Variants in MGAT5 observed in about 807,000 individuals in gnomAD.
MGAT5 encodes alpha-1,6-mannosylglycoprotein 6-beta-N-acetylglucosaminyltransferase, also known as alpha-1,6-mannosylglycoprotein 6-beta-N-acetylglucosaminyltransferase A.
A neutral mutation model predicts 94.3 loss-of-function variants in MGAT5; 30 were observed. The ratio of observed to expected loss-of-function variants is 0.32; its 90% confidence interval spans 0.24 to 0.43. The LOEUF (loss-of-function observed/expected upper bound fraction) is 0.43, where lower values mean the gene tolerates loss of function less well. Among genes scored for constraint, MGAT5 ranks in the 20% least tolerant of loss-of-function variants. The probability of loss-of-function intolerance (pLI) is 1.00; values close to 1 mark genes in which losing one functional copy is unlikely to be tolerated. For missense variants in MGAT5, 691 were observed against 905.5 expected (o/e 0.76, Z 3.04); for synonymous variants, 310 against 322.9 (o/e 0.96, Z 0.43).
intron 1 of MGAT5, among the ~76,000 whole-genome samples, chr2:134,172,569 G>A (rs1185272429): frequency 1.3e-5 from 2 of 152,066 alleles, no homozygotes; most frequent in Non-Finnish European, 1.5e-5. Flanking sequence ...TGTATTTTTA[G>A]TAGAGACGGG....
chr2:134,448,928 T>A lies in MGAT5; in HGVS notation c.*81T>A, dbSNP rs1685949766. The A allele has an allele frequency of 7.0e-7, 1 of 1,418,942 alleles. No individual in the cohort carries two copies. The highest frequency in any genetic ancestry group is 1.2e-5 in the South Asian group (1 of 81,640). The allele number at this position is 1,418,942 out of a possible 1,614,324, so 87.9% of individuals were successfully genotyped here. On this transcript the variant is annotated 3_prime_UTR_variant, in exon 16 of 16. Transcript: ENST00000281923. ...CGTCAGGCAGGGCCAGGGACAGAAG[T>A]CATGCAGGGACTCTGGCAAGAGCCT...
In MGAT5 at chr2:134,237,690, T is replaced by G. The variant is rs1386710625; in HGVS notation, c.-142-16572T>G. On this transcript the variant is annotated intron_variant, in intron 1 of 16. Coordinates refer to the MGAT5 transcript ENST00000409645. ...GGTTGGAGTGCAGTTTTTGTTTTTG[T>G]TTTTTTTTTTTTTGAGATGGAGTCT... Among the ~76,000 whole-genome samples the G allele has an allele frequency of 4.2e-5, 2 of 47,122 alleles. 1 individual carries two copies. The highest frequency in any genetic ancestry group is 9.5e-5 in the Non-Finnish European group (2 of 21,058). 30.9% of individuals were successfully genotyped at this position (47,122 alleles called of 152,430 possible).
intron 13 of MGAT5, among the ~76,000 whole-genome samples, chr2:134,426,600 G>A (rs1684602350): frequency 6.6e-6 from 1 of 152,262 alleles, no homozygotes; most frequent in Middle Eastern, 3.4e-3. Flanking sequence ...ACCCAGATAT[G>A]CCATGTTCTT....
At chr2:134,247,369 A>AC (rs1192807682) in intron 1 of MGAT5, among the ~76,000 whole-genome samples, 1 of 148,676 alleles carries the variant, frequency 6.7e-6, no homozygotes, top group Admixed American at 6.6e-5. Flanking sequence ...TAAAAAAAAA[A>AC]AAAAACAAAA....
At chr2:134,388,795 T>C (rs1386723925) in intron 10 of MGAT5, among the ~76,000 whole-genome samples, 1 of 152,078 alleles carries the variant, frequency 6.6e-6, no homozygotes, top group Non-Finnish European at 1.5e-5. Flanking sequence ...GGAGTCTCGC[T>C]CTGTTGCCCA....
intron 1 of MGAT5, among the ~76,000 whole-genome samples, chr2:134,228,820 G>A (rs1681202526): frequency 6.6e-6 from 1 of 152,146 alleles, no homozygotes; most frequent in South Asian, 2.1e-4. Flanking sequence ...GCACCATAGA[G>A]GGCACCACAG....
At chr2:134,272,299 G>A (rs950348690) in intron 2 of MGAT5, among the ~76,000 whole-genome samples, 11 of 152,248 alleles carry the variant, frequency 7.2e-5, no homozygotes, top group Admixed American at 6.5e-4. Flanking sequence ...GGCTCTGAGC[G>A]GGACTCCTTT....
intron 2 of MGAT5, among the ~76,000 whole-genome samples, chr2:134,272,164 G>A (rs183790642): frequency 3.5e-4 from 54 of 152,282 alleles, no homozygotes; most frequent in African/African-American, 1.2e-3. Context: ...CAGGGTCGTG[G>A]GTACACCTCT....
chr2:134,409,068 A>G (rs975577123), intron 11 of MGAT5, among the ~76,000 whole-genome samples: 5 of 152,218 alleles, frequency 3.3e-5, no homozygotes, highest in Admixed American at 6.5e-5. Context: ...GGTGCTGAAC[A>G]TCTTGTAAAA....
chr2:134,135,872 T>C (rs1192796566), intron 1 of MGAT5, among the ~76,000 whole-genome samples: 2 of 152,026 alleles, frequency 1.3e-5, no homozygotes, highest in Non-Finnish European at 2.9e-5. Flanking sequence ...GGGCCATGGC[T>C]CCCGTGTAGG....
At chr2:134,202,577 G>C (rs1470605200) in intron 1 of MGAT5, among the ~76,000 whole-genome samples, 1 of 152,260 alleles carries the variant, frequency 6.6e-6, no homozygotes, top group African/African-American at 2.4e-5. Flanking sequence ...TTAGCATTCA[G>C]AAGTGTTGCC....
chr2:134,417,325 A>G (rs1279771982), intron 12 of MGAT5, among the ~76,000 whole-genome samples: 1 of 152,120 alleles, frequency 6.6e-6, no homozygotes, highest in African/African-American at 2.4e-5. Context: ...CCATAGTATT[A>G]TCTAAACTAC....
chr2:134,167,671 A>C (rs1688022710), intron 1 of MGAT5, among the ~76,000 whole-genome samples: 1 of 152,218 alleles, frequency 6.6e-6, no homozygotes, highest in Non-Finnish European at 1.5e-5. Context: ...TGACAATACC[A>C]AATTTCATTT....
intron 9 of MGAT5, among the ~76,000 whole-genome samples, chr2:134,353,164 A>G (rs1194754527): frequency 6.6e-6 from 1 of 152,192 alleles, no homozygotes; most frequent in African/African-American, 2.4e-5. Flanking sequence ...AAAAAAGGTT[A>G]AGATGGTAAC....
chr2:134,305,471 T>C (rs58941599), intron 2 of MGAT5, among the ~76,000 whole-genome samples: 4,081 of 152,284 alleles, frequency 0.027, 172 homozygotes, highest in East Asian at 0.1. Flanking sequence ...AGGATATAGC[T>C]AGCCTTCTCT....
chr2:134,264,115 C>T (rs867955801), intron 1 of MGAT5, among the ~76,000 whole-genome samples: 10 of 151,466 alleles, frequency 6.6e-5, no homozygotes, highest in African/African-American at 2.4e-4. Flanking sequence ...CTCCGCCTCC[C>T]AGGTTCAAGC....
At chr2:134,340,181 G>C (rs1688545799) in intron 6 of MGAT5, among the ~76,000 whole-genome samples, 1 of 152,158 alleles carries the variant, frequency 6.6e-6, no homozygotes, top group Non-Finnish European at 1.5e-5. Flanking sequence ...GCCACTATCA[G>C]GCCTATAAAT....
chr2:134,379,369 G>A (rs950974655), intron 10 of MGAT5, among the ~76,000 whole-genome samples: 7 of 152,174 alleles, frequency 4.6e-5, no homozygotes, highest in African/African-American at 1.7e-4. Context: ...ATTGTGGCCA[G>A]TACCCAAAAG....
At chr2:134,289,614 A>G (rs1038437910) in intron 2 of MGAT5, among the ~76,000 whole-genome samples, 3 of 152,208 alleles carry the variant, frequency 2.0e-5, no homozygotes, top group Admixed American at 1.3e-4. Context: ...TTGGAAATCC[A>G]GTTTCCTACC....
Sources: gnomAD v4.1 joint callset for allele counts (sites outside exome capture counted in the v4.1 genomes callset) on GRCh38, gnomAD v4.1.1 for gene constraint, MANE v1.5 for transcripts, NCBI Gene and HGNC (gene_info 2026-07-23, HGNC 2026-07-21) for gene names.